RMND5B: variants seen among roughly 807,000 people sequenced by gnomAD.
The protein encoded by RMND5B is required for meiotic nuclear division 5 homolog B.
In RMND5B, 42 loss-of-function variants were observed where a neutral mutation model predicts 50.4. The ratio of observed to expected loss-of-function variants is 0.83; its 90% CI spans 0.65 to 1.08. The LOEUF (loss-of-function observed/expected upper bound fraction) is 1.08. Among genes scored for constraint, RMND5B ranks in the 50% least tolerant of loss-of-function variants. The pLI is 0.00. For synonymous variants in RMND5B, 220 were observed against 210.0 expected (o/e 1.05, Z -0.41); for missense variants, 463 against 508.5 (o/e 0.91, Z 0.86).
At chr5:178,131,828 T>TGTG (rs762922267) in intron 2 of RMND5B, among the ~76,000 whole-genome samples, 2 of 152,010 alleles carry the variant, frequency 1.3e-5, no homozygotes, top group Admixed American at 6.6e-5. Context: ...AGCAAGCTAG[T>TGTG]GTGGCTAAAG....
chr5:178,143,071 C>A, intron 5 of RMND5B, 79 bp downstream of exon 5: 2 of 1,474,422 alleles, frequency 1.4e-6, no homozygotes, highest in Non-Finnish European at 9.1e-7. Flanking sequence ...GAAGTCCCTA[C>A]CATTCTCAAA....
chr5:178,143,766 C>T (rs766530643), intron 6 of RMND5B, 39 bp downstream of exon 6: 14 of 1,518,892 alleles, frequency 9.2e-6, no homozygotes, highest in South Asian at 3.4e-5. Flanking sequence ...CATTCTGCTT[C>T]GACCTCTCAG....
At chr5:178,146,044 C>G in intron 7 of RMND5B, 70 bp from the exon 8 acceptor site, 1 of 1,526,452 alleles carries the variant, frequency 6.6e-7, no homozygotes, top group Non-Finnish European at 9.0e-7. Flanking sequence ...GCTGCACAGT[C>G]CTGCTGCCCG....
At position 178,149,599 on chromosome 5, in the gene RMND5B, G is replaced by C; in HGVS notation, c.*1567G>C. 1 of 1,403,838 alleles carries C rather than the reference G, an allele frequency of 7.1e-7. No homozygotes were observed. The highest frequency in any genetic ancestry group is 9.9e-7 in the Non-Finnish European group (1 of 1,008,152). 87.0% of individuals were successfully genotyped at this position (1,403,838 alleles called of 1,614,324 possible). A position where few individuals can be genotyped will look rare whatever the true frequency, so the allele number is the denominator to read the frequency against. ...TTAGAGCTGCCTGGGAAGAAGGCGT[G>C]CCTTGGGGAACTGGGAAGATGCCGT... On this transcript the variant is annotated 3_prime_UTR_variant, in exon 11 of 11. Coordinates refer to ENST00000313386, the MANE Select transcript of RMND5B (RefSeq NM_022762.5).
chr5:178,138,044 T>C lies in RMND5B; in HGVS notation c.-12-64T>C. 6.8e-7 allele frequency: 1 copy of C among 1,477,272 alleles called. No individual in the cohort carries two copies. The highest frequency in any genetic ancestry group is 9.1e-7 in the Non-Finnish European group (1 of 1,095,984). 91.5% of individuals were successfully genotyped at this position (1,477,272 alleles called of 1,614,324 possible). ...GTGAGAGGGATCTGAAGAGGTGGTC[T>C]GGGCACCCTGCCTGCCATGCCACCG... is the stretch of plus-strand genomic sequence containing the variant. On this transcript the variant is annotated intron_variant, in intron 2 of 10. Transcript: ENST00000313386. This position sits in a 1 kb window ranked among gnomAD's most constrained non-coding sequence, Gnocchi z 5.1.
intron 3 of RMND5B, among the ~76,000 whole-genome samples, chr5:178,140,145 C>G (rs1758840408): frequency 1.3e-5 from 2 of 152,134 alleles, no homozygotes; most frequent in Admixed American, 6.6e-5. Flanking sequence ...CTGGAAGACA[C>G]AAGATGTTGC....
chr5:178,146,358 C>A, intron 8 of RMND5B, 79 bp downstream of exon 8: 1 of 1,384,672 alleles, frequency 7.2e-7, no homozygotes, highest in Non-Finnish European at 1.0e-6. Context: ...CTGCCATGTG[C>A]CAGGAACAGT....
At chr5:178,131,574 A>T (rs1758305967) in intron 2 of RMND5B, among the ~76,000 whole-genome samples, 198 bp downstream of exon 2, 1 of 17,726 alleles carries the variant, frequency 5.6e-5, no homozygotes, top group South Asian at 1.8e-3. Flanking sequence ...ACTGTATAGT[A>T]AAAAAAAAAA....
chr5:178,144,827 G>A (rs1429599516), intron 7 of RMND5B, among the ~76,000 whole-genome samples: 2 of 151,906 alleles, frequency 1.3e-5, no homozygotes, highest in African/African-American at 4.8e-5. Context: ...ACCAGCCTTG[G>A]CAACATGGGG....
At position 178,138,274 on chromosome 5, in the gene RMND5B, T is replaced by G; in HGVS notation, c.139+16T>G. On this transcript the variant is annotated intron_variant, in intron 3 of 10. Transcript: ENST00000313386. The surrounding 1 kb of genome is among the most constrained non-coding windows in gnomAD (Gnocchi z 5.1). The stretch of plus-strand genomic sequence containing the variant: ...GCCAGCGCAGGTGGGTGGCCACCCT[T>G]GCAAGTGCCCTGCGACAGCCTCCCT... The G allele has an allele frequency of 6.2e-7, 1 of 1,611,558 alleles. No individual in the cohort carries two copies. Among genetic ancestry groups the G allele is most frequent in the African/African-American group, 1.3e-5 (1 of 74,970 alleles).
Position 178,147,971 on chromosome 5 carries a change from T to C in RMND5B, c.1121T>C (p.Leu374Pro). Residue 374 changes from leucine (L) to proline (P), a missense_variant and splice_region_variant, in exon 11 of 11, where the codon CTG becomes CCG. Leu to Pro is a moderately conservative substitution (Grantham distance 98). Transcript: ENST00000313386. ...TCTCGGTTCTCCTCCCTTTGCAGGCTGAAGTGTCCCTACTGTCCCATGGAG... is the reference window on the plus strand; with the variant it reads ...TCTCGGTTCTCCTCCCTTTGCAGGCCGAAGTGTCCCTACTGTCCCATGGAG... ...ALNKLINGGK[L>P]KCPYCPMEQN... 1.9e-6 allele frequency: 3 copies of C among 1,614,150 alleles called. No homozygotes were observed. Among genetic ancestry groups the C allele is most frequent in the Non-Finnish European group, 2.5e-6 (3 of 1,180,016 alleles).
chr5:178,146,845 C>T (rs1196020966), intron 8 of RMND5B: 1 of 156,546 alleles, frequency 6.4e-6, no homozygotes, highest in African/African-American at 2.4e-5. Flanking sequence ...CAGAGCCACA[C>T]ACTCCGCCAC....
intron 7 of RMND5B, among the ~76,000 whole-genome samples, chr5:178,144,381 T>G (rs1158546107): frequency 6.6e-6 from 1 of 151,892 alleles, no homozygotes; most frequent in Non-Finnish European, 1.5e-5. Flanking sequence ...ATTTAGAGCA[T>G]GCCATGCCCG....
At chr5:178,135,238 C>T (rs1486050608) in intron 2 of RMND5B, 4 of 235,186 alleles carry the variant, frequency 1.7e-5, no homozygotes, top group East Asian at 1.6e-4. Flanking sequence ...CTTGACCTCC[C>T]GGGCTCAAGC....
At chr5:178,136,699 C>T (rs1215788411) in intron 2 of RMND5B, among the ~76,000 whole-genome samples, 3 of 152,082 alleles carry the variant, frequency 2.0e-5, no homozygotes, top group Non-Finnish European at 2.9e-5. Context: ...ATAGGATTCT[C>T]TTTCTCTTTG....
At chr5:178,144,720 G>GAAAAAAAAAAAAA (rs111233356) in intron 7 of RMND5B, among the ~76,000 whole-genome samples, 8 of 111,762 alleles carry the variant, frequency 7.2e-5, no homozygotes, top group African/African-American at 1.4e-4. Flanking sequence ...CTCCGTCTCA[G>GAAAAAAAAAAAAA]AAAAAAAAAA....
At chr5:178,139,072 G>A (rs1390277539) in intron 3 of RMND5B, among the ~76,000 whole-genome samples, 1 of 152,114 alleles carries the variant, frequency 6.6e-6, no homozygotes, top group African/African-American at 2.4e-5. Context: ...ATGGTGGTGG[G>A]CTGCAGTGAG....
chr5:178,139,749 G>C (rs1758819315), intron 3 of RMND5B, among the ~76,000 whole-genome samples: 1 of 147,490 alleles, frequency 6.8e-6, no homozygotes. Context: ...GTAGAGACAG[G>C]GTTTTGCCAT....
At chr5:178,146,372 C>T (rs892052066) in intron 8 of RMND5B, 93 bp downstream of exon 8, 26 of 1,262,808 alleles carry the variant, frequency 2.1e-5, no homozygotes, top group African/African-American at 7.5e-5. Context: ...GAACAGTGCT[C>T]GGTGCTTTCA....
Sources: gnomAD v4.1 joint callset for allele counts (sites outside exome capture counted in the v4.1 genomes callset) on GRCh38, gnomAD v4.1.1 for gene constraint, Gnocchi (gnomAD v3.1) non-coding constraint, MANE v1.5 for transcripts, NCBI Gene and HGNC (gene_info 2026-07-23, HGNC 2026-07-21) for gene names.